Variants in NRG1 observed in about 807,000 individuals in gnomAD.
The protein encoded by NRG1 is pro-neuregulin-1, membrane-bound isoform.
A neutral mutation model predicts 63.8 loss-of-function variants in NRG1; 18 were observed. The ratio of observed to expected loss-of-function variants is 0.28; its 90% CI spans 0.19 to 0.42. The LOEUF is 0.42. Ranked by LOEUF, NRG1 falls within the 10% of genes least tolerant of loss-of-function variation. The pLI, the probability that NRG1 is intolerant of heterozygous loss-of-function variation, is 1.00. For missense variants in NRG1, 762 were observed against 814.7 expected (o/e 0.94, Z 0.79); for synonymous variants, 302 against 301.3 (o/e 1.00, Z -0.02).
chr8:31,887,224 C>G (rs571256534), intron 1 of NRG1, among the ~76,000 whole-genome samples: 5 of 151,896 alleles, frequency 3.3e-5, no homozygotes, highest in African/African-American at 1.2e-4. Context: ...GTGATAGAGA[C>G]CAACAATTTG....
chr8:32,039,409 G>A (rs1169526019), intron 1 of NRG1, among the ~76,000 whole-genome samples: 1 of 152,108 alleles, frequency 6.6e-6, no homozygotes, highest in Non-Finnish European at 1.5e-5. Context: ...AAATCACTAG[G>A]TATGTTTGCT....
chr8:32,694,911 G>A (rs1812858233), intron 5 of NRG1, among the ~76,000 whole-genome samples: 1 of 152,186 alleles, frequency 6.6e-6, no homozygotes, highest in Non-Finnish European at 1.5e-5. Flanking sequence ...GACCCTCCTT[G>A]TTCAGTCCTC....
At chr8:32,558,044 C>G (rs1835525435) in intron 1 of NRG1, among the ~76,000 whole-genome samples, 1 of 151,958 alleles carries the variant, frequency 6.6e-6, no homozygotes. Flanking sequence ...TCATTTATGC[C>G]CCATCCAAAA....
At chr8:31,846,532 T>C (rs1390849303) in intron 1 of NRG1, among the ~76,000 whole-genome samples, 2 of 152,216 alleles carry the variant, frequency 1.3e-5, no homozygotes, top group South Asian at 2.1e-4. Flanking sequence ...CAAAACATTA[T>C]GCTAGGTGTT....
intron 1 of NRG1, among the ~76,000 whole-genome samples, chr8:31,706,918 T>A (rs1266694897): frequency 1.3e-5 from 2 of 152,160 alleles, no homozygotes; most frequent in Non-Finnish European, 2.9e-5. Context: ...ATAGGCTTCA[T>A]CTAAATTGCA....
intron 1 of NRG1, among the ~76,000 whole-genome samples, chr8:31,778,958 T>C (rs1375082483): frequency 2.6e-5 from 4 of 152,216 alleles, no homozygotes; most frequent in Non-Finnish European, 5.9e-5. Context: ...CTTATCAGAC[T>C]TACCAGTGTC....
At chr8:32,442,684 A>T (rs1274705808) in intron 1 of NRG1, 1 of 152,174 alleles carries the variant, frequency 6.6e-6, no homozygotes, top group East Asian at 1.9e-4. Flanking sequence ...TACTCTATAT[A>T]GCATATGCTT....
intron 1 of NRG1, among the ~76,000 whole-genome samples, chr8:31,882,200 G>A (rs539928601): frequency 6.6e-6 from 1 of 151,786 alleles, no homozygotes. Context: ...GGGCCCTTAA[G>A]AATTATATTA....
intron 9 of NRG1, 105 bp from the exon 10 acceptor site, chr8:32,759,201 G>A: frequency 8.0e-7 from 1 of 1,253,522 alleles, no homozygotes; most frequent in African/African-American, 1.5e-5. Context: ...AAATAGATTT[G>A]TGTGTTTCTG....
At chr8:31,741,275 C>A (rs1188054803) in intron 1 of NRG1, among the ~76,000 whole-genome samples, 1 of 151,840 alleles carries the variant, frequency 6.6e-6, no homozygotes, top group East Asian at 1.9e-4. Flanking sequence ...ATGTTCAGTA[C>A]CTTGGTGCCA....
chr8:31,729,578 C>G (rs1317217621), intron 1 of NRG1, among the ~76,000 whole-genome samples: 1 of 152,018 alleles, frequency 6.6e-6, no homozygotes, highest in Non-Finnish European at 1.5e-5. Flanking sequence ...TTCTCCAGTA[C>G]TCACTCTTAT....
At chr8:31,868,339 T>A (rs575706512) in intron 1 of NRG1, among the ~76,000 whole-genome samples, 3 of 152,240 alleles carry the variant, frequency 2.0e-5, no homozygotes, top group African/African-American at 7.2e-5. Flanking sequence ...GAAACATCCC[T>A]GAGGAAATGC....
chr8:31,789,143 C>T (rs1467088026), intron 1 of NRG1, among the ~76,000 whole-genome samples: 1 of 152,090 alleles, frequency 6.6e-6, no homozygotes, highest in African/African-American at 2.4e-5. Flanking sequence ...GGTTAGAAAA[C>T]TTGAAAATCT....
intron 1 of NRG1, among the ~76,000 whole-genome samples, chr8:32,344,419 ATGTGTGTGTG>A (rs397956518): frequency 1.7e-4 from 10 of 57,408 alleles, no homozygotes; most frequent in East Asian, 3.7e-4. Context: ...GCGTGCATGC[ATGTGTGTGTG>A]TGTGTGTGTG....
chr8:31,736,127 G>T (rs895221967), intron 1 of NRG1, among the ~76,000 whole-genome samples: 1 of 151,998 alleles, frequency 6.6e-6, no homozygotes, highest in African/African-American at 2.4e-5. Flanking sequence ...TTATCATCTG[G>T]TCTATTAATG....
chr8:32,242,223 C>T (rs192521300), intron 1 of NRG1, among the ~76,000 whole-genome samples: 1 of 152,250 alleles, frequency 6.6e-6, no homozygotes, highest in Admixed American at 6.5e-5. Flanking sequence ...TGCCTGTAAT[C>T]CCAGCACTTT....
At chr8:32,257,310 C>T (rs901230870) in intron 1 of NRG1, among the ~76,000 whole-genome samples, 2 of 152,166 alleles carry the variant, frequency 1.3e-5, no homozygotes, top group African/African-American at 4.8e-5. Context: ...GTCTCACTGG[C>T]ATTCCAGGTG....
intron 1 of NRG1, among the ~76,000 whole-genome samples, chr8:32,538,882 A>C (rs1293686787): frequency 2.0e-5 from 3 of 152,224 alleles, no homozygotes; most frequent in Non-Finnish European, 4.4e-5. Context: ...ATAATAATGC[A>C]AGTGTTAAAC....
chr8:32,546,312 T>G (rs1833058142), upstream of NRG1, among the ~76,000 whole-genome samples: 1 of 151,962 alleles, frequency 6.6e-6, no homozygotes, highest in Non-Finnish European at 1.5e-5. Context: ...GAGCTTCTTT[T>G]TTTTAATTGG....
Sources: allele counts gnomAD v4.1 joint callset (sites outside exome capture counted in the v4.1 genomes callset), GRCh38; gene constraint gnomAD v4.1.1; transcripts MANE v1.5; gene names NCBI Gene and HGNC (gene_info 2026-07-23, HGNC 2026-07-21).